ANK3: variants seen among roughly 807,000 people sequenced by gnomAD.
ANK3 encodes ankyrin 3, also known as ankyrin-3.
ANK3 carries 57 observed loss-of-function variants against 370.9 expected under a neutral mutation model. The ratio of observed to expected loss-of-function variants is 0.15; its 90% CI spans 0.12 to 0.19. The LOEUF is 0.19. Ranked by LOEUF, ANK3 falls within the 10% of genes least tolerant of loss-of-function variation. The pLI is 1.00. For synonymous variants in ANK3, 1,929 were observed against 1,946.3 expected (o/e 0.99, Z 0.23); for missense variants, 4,439 against 5,302.1 (o/e 0.84, Z 5.06).
chr10:60,457,461 A>C (rs79911589), intron 2 of ANK3, among the ~76,000 whole-genome samples: 11,437 of 152,186 alleles, frequency 0.075, 593 homozygotes, highest in South Asian at 0.16. Flanking sequence ...AATTTATAGA[A>C]TAGATTGCTA....
intron 23 of ANK3, among the ~76,000 whole-genome samples, chr10:60,155,734 A>G (rs2095310083): frequency 1.3e-5 from 2 of 152,326 alleles, no homozygotes; most frequent in African/African-American, 4.8e-5. Flanking sequence ...CCAGAATAAA[A>G]GCAGGTAGAA....
chr10:60,291,133 TG>T (rs1277956409), intron 1 of ANK3, among the ~76,000 whole-genome samples: 2 of 152,004 alleles, frequency 1.3e-5, no homozygotes, highest in Non-Finnish European at 2.9e-5. Flanking sequence ...TGTCAGGTGC[TG>T]GTGGGTGGGT....
At chr10:60,589,885 GAAGA>G (rs2077886222) in intron 2 of ANK3, among the ~76,000 whole-genome samples, 1 of 152,090 alleles carries the variant, frequency 6.6e-6, no homozygotes, top group African/African-American at 2.4e-5. Flanking sequence ...AATCCTAACT[GAAGA>G]AATAGCCTTC....
chr10:60,646,340 T>G (rs1045201014), intron 1 of ANK3, among the ~76,000 whole-genome samples: 71 of 152,234 alleles, frequency 4.7e-4, no homozygotes, highest in African/African-American at 1.5e-3. Context: ...GTAAGATCAC[T>G]TTGGAAAAGC....
At chr10:60,462,599 TA>T (rs1162642247) in intron 2 of ANK3, among the ~76,000 whole-genome samples, 1 of 139,912 alleles carries the variant, frequency 7.1e-6, no homozygotes, top group Non-Finnish European at 1.5e-5. Flanking sequence ...TTTTTTTTTT[TA>T]AAGAGATGGG....
At chr10:60,668,501 G>T (rs773543062) in intron 1 of ANK3, among the ~76,000 whole-genome samples, 3 of 146,810 alleles carry the variant, frequency 2.0e-5, no homozygotes, top group Non-Finnish European at 2.9e-5. Context: ...TTGGCATCGG[G>T]GGTGGGCTTT....
At chr10:60,316,988 C>T (rs1439477048) in intron 1 of ANK3, among the ~76,000 whole-genome samples, 3 of 152,102 alleles carry the variant, frequency 2.0e-5, no homozygotes, top group Admixed American at 6.5e-5. Context: ...CCTCATGATC[C>T]GCCCACCTCA....
intron 1 of ANK3, among the ~76,000 whole-genome samples, chr10:60,288,097 C>T (rs2040450301): frequency 6.6e-6 from 1 of 152,078 alleles, no homozygotes; most frequent in African/African-American, 2.4e-5. Context: ...CTCAACTGCC[C>T]CCTATAATTT....
intron 43 of ANK3, among the ~76,000 whole-genome samples, chr10:60,037,166 T>G (rs1213630623): frequency 6.6e-6 from 1 of 152,210 alleles, no homozygotes; most frequent in Admixed American, 6.5e-5. Context: ...TATGGCTTAG[T>G]TGAACTGAAG....
intron 1 of ANK3, among the ~76,000 whole-genome samples, chr10:60,677,445 A>G (rs1472970920): frequency 6.6e-6 from 1 of 152,084 alleles, no homozygotes; most frequent in Non-Finnish European, 1.5e-5. Flanking sequence ...AAAGTTTAAC[A>G]TATGTCAAAA....
At chr10:60,667,411 A>G (rs1272095686) in intron 1 of ANK3, among the ~76,000 whole-genome samples, 3 of 152,018 alleles carry the variant, frequency 2.0e-5, no homozygotes, top group Admixed American at 6.5e-5. Context: ...ATAGACATTG[A>G]AATAAAAAAC....
intron 2 of ANK3, among the ~76,000 whole-genome samples, chr10:60,409,714 G>T (rs1349612226): frequency 2.6e-5 from 4 of 152,066 alleles, no homozygotes; most frequent in African/African-American, 9.7e-5. Flanking sequence ...GCAGCTTGAA[G>T]GATCATCTAT....
rs534720247 is a variant in ANK3, at chr10:60,140,925, G to T, written c.2615-1838C>A. 3.0e-6 allele frequency: 3 copies of T among 985,746 alleles called. No individual in the cohort carries two copies. In the African/African-American group the frequency reaches 5.2e-5, roughly 17 times the overall value. The allele number at this position is 985,746 out of a possible 1,614,324, so 61.1% of individuals were successfully genotyped here. Reference sequence around the variant, plus strand: ...TATGAATGAAGAAACAGCCAACCCAGGTAGAGGAAAAACATTAGAAGAAAA... The same window carrying T: ...TATGAATGAAGAAACAGCCAACCCATGTAGAGGAAAAACATTAGAAGAAAA... On this transcript the variant is annotated intron_variant, in intron 23 of 43. Coordinates refer to ENST00000280772, the MANE Select transcript of ANK3 (RefSeq NM_020987.5).
chr10:60,070,177 C>T lies in ANK3; in HGVS notation c.10704G>A (p.Gly3568=). ...KSREDETKPF[G]LAVEDRSPAT... is the part of the protein sequence containing the mutation. ...CTGGAGAGCGGTCTTCTACCGCCAG[C>T]CCAAATGGCTTAGTTTCATCTTCCC... is the stretch of plus-strand genomic sequence containing the variant. Residue 3568 remains glycine, a synonymous_variant, in exon 37 of 44, where the codon GGG becomes GGA. Transcript: ENST00000280772. The surrounding 1 kb of genome is among the most constrained non-coding windows in gnomAD (Gnocchi z 5.7). 1.9e-6 allele frequency: 3 copies of T among 1,614,138 alleles called. No individual in the cohort carries two copies. Among genetic ancestry groups the T allele is most frequent in the Non-Finnish European group, 2.5e-6 (3 of 1,180,006 alleles).
intron 1 of ANK3, among the ~76,000 whole-genome samples, chr10:60,310,600 C>A (rs908273685): frequency 1.3e-5 from 2 of 152,024 alleles, no homozygotes; most frequent in African/African-American, 4.8e-5. Flanking sequence ...AGGAAGAGAA[C>A]AAATTAATAA....
chr10:60,723,580 C>G (rs912693887), intron 1 of ANK3, among the ~76,000 whole-genome samples: 38 of 152,208 alleles, frequency 2.5e-4, no homozygotes, highest in African/African-American at 8.9e-4. Context: ...ATTGGGTGAC[C>G]TTCTTTTCTC....
At chr10:60,466,855 T>C (rs902677338) in intron 2 of ANK3, among the ~76,000 whole-genome samples, 5 of 152,166 alleles carry the variant, frequency 3.3e-5, no homozygotes, top group African/African-American at 1.2e-4. Context: ...ATTTGCATAA[T>C]AAGCAAATGT....
chr10:60,181,729 T>C (rs1434828232), intron 17 of ANK3, among the ~76,000 whole-genome samples: 1 of 151,878 alleles, frequency 6.6e-6, no homozygotes, highest in Non-Finnish European at 1.5e-5. Flanking sequence ...TTGTTTGAGC[T>C]CGGTAGGTGG....
intron 2 of ANK3, among the ~76,000 whole-genome samples, chr10:60,474,566 T>C (rs1416923357): frequency 6.6e-6 from 1 of 152,222 alleles, no homozygotes; most frequent in African/African-American, 2.4e-5. Flanking sequence ...CAGTTAAGAT[T>C]GGGTGATTTT....
Sources: gnomAD v4.1 joint callset for allele counts (sites outside exome capture counted in the v4.1 genomes callset) on GRCh38, gnomAD v4.1.1 for gene constraint, Gnocchi (gnomAD v3.1) non-coding constraint, MANE v1.5 for transcripts, NCBI Gene and HGNC (gene_info 2026-07-23, HGNC 2026-07-21) for gene names.